The following DYM variants were observed in gnomAD, a reference collection of about 807,000 sequenced individuals.
DYM encodes the protein dymeclin.
A neutral mutation model predicts 93.1 loss-of-function variants in DYM; 78 were observed. The observed-to-expected ratio is 0.84, with a 90% CI of 0.70 to 1.01. The LOEUF (loss-of-function observed/expected upper bound fraction) is 1.01, where lower values mean the gene tolerates loss of function less well. Ranked by LOEUF, DYM falls within the 50% of genes least tolerant of loss-of-function variation. DYM has a pLI of 0.00. For missense variants in DYM, 789 were observed against 845.0 expected (o/e 0.93, Z 0.82); for synonymous variants, 321 against 319.7 (o/e 1.00, Z -0.04).
chr18:49,391,700 T>C (rs2069274276), intron 2 of DYM, 55 bp from the exon 3 acceptor site: 1 of 1,408,536 alleles, frequency 7.1e-7, no homozygotes, highest in Non-Finnish European at 1.0e-6. Flanking sequence ...AATATGTACA[T>C]GCTAATCAGT....
At chr18:49,342,465 G>A (rs1454219944) in intron 6 of DYM, among the ~76,000 whole-genome samples, 1 of 152,148 alleles carries the variant, frequency 6.6e-6, no homozygotes, top group East Asian at 1.9e-4. Context: ...TACATCTTTG[G>A]GGTTTGGAAT....
intron 8 of DYM, among the ~76,000 whole-genome samples, chr18:49,313,592 CA>C (rs1476412053): frequency 1.4e-5 from 2 of 146,790 alleles, no homozygotes; most frequent in Non-Finnish European, 1.5e-5. Context: ...TTTAGCATAT[CA>C]TCAAGAAATA....
At chr18:49,271,261 A>G (rs907238806) in intron 11 of DYM, among the ~76,000 whole-genome samples, 3 of 152,208 alleles carry the variant, frequency 2.0e-5, no homozygotes, top group African/African-American at 7.2e-5. Context: ...CAGAAATGGT[A>G]AAACATGTTC....
intron 8 of DYM, among the ~76,000 whole-genome samples, chr18:49,289,774 C>CAT (rs2059976631): frequency 1.1e-4 from 4 of 37,100 alleles, no homozygotes; most frequent in East Asian, 1.1e-3. Context: ...TATATATATA[C>CAT]ACATATATAT....
At chr18:49,206,121 C>A (rs1009987839) in intron 14 of DYM, among the ~76,000 whole-genome samples, 4 of 150,928 alleles carry the variant, frequency 2.7e-5, no homozygotes, top group Admixed American at 2.0e-4. Context: ...GCCTCAGACT[C>A]CTGAGTAGCT....
At chr18:49,178,403 T>C (rs2089602659) in intron 14 of DYM, among the ~76,000 whole-genome samples, 1 of 152,098 alleles carries the variant, frequency 6.6e-6, no homozygotes, top group Non-Finnish European at 1.5e-5. Flanking sequence ...AGAAAAAGAT[T>C]CAAATGTGTG....
intron 13 of DYM, among the ~76,000 whole-genome samples, chr18:49,217,142 G>A (rs2093101826): frequency 6.6e-6 from 1 of 152,226 alleles, no homozygotes; most frequent in Non-Finnish European, 1.5e-5. Flanking sequence ...TCAACTGGAA[G>A]AAAGGGTATC....
At chr18:49,430,120 A>AT in intron 2 of DYM, 135 bp downstream of exon 2, 4 of 885,246 alleles carry the variant, frequency 4.5e-6, no homozygotes, top group South Asian at 4.3e-5. Context: ...AATCTTTTGG[A>AT]TTTTCTACTG....
intron 17 of DYM, among the ~76,000 whole-genome samples, chr18:49,047,669 C>A (rs1469923357): frequency 6.6e-6 from 1 of 152,102 alleles, no homozygotes; most frequent in African/African-American, 2.4e-5. Context: ...TATCCTAGGG[C>A]CTGGAGAGTT....
At chr18:49,171,753 C>A (rs781751049) in intron 14 of DYM, among the ~76,000 whole-genome samples, 6 of 152,028 alleles carry the variant, frequency 3.9e-5, no homozygotes, top group Non-Finnish European at 5.9e-5. Context: ...GATTCCACAC[C>A]CTCTGGGAAA....
intron 8 of DYM, among the ~76,000 whole-genome samples, chr18:49,289,748 T>TATATATATATATACAC (rs2059944426): frequency 2.4e-5 from 1 of 41,176 alleles, no homozygotes; most frequent in Non-Finnish European, 4.5e-5. Flanking sequence ...TATATATATA[T>TATATATATATATACAC]ATATATATAT....
chr18:49,193,652 T>C (rs986538487), intron 14 of DYM, among the ~76,000 whole-genome samples: 1 of 152,146 alleles, frequency 6.6e-6, no homozygotes. Flanking sequence ...ACTAAGCACA[T>C]GTGTGGTGAG....
At chr18:49,425,642 C>T (rs1404076848) in intron 2 of DYM, among the ~76,000 whole-genome samples, 2 of 152,018 alleles carry the variant, frequency 1.3e-5, no homozygotes, top group East Asian at 1.9e-4. Context: ...TGCAATCTAC[C>T]CATCTGACAA....
intron 5 of DYM, 132 bp downstream of exon 5, chr18:49,378,434 AC>A: frequency 3.6e-6 from 3 of 841,600 alleles, no homozygotes; most frequent in Non-Finnish European, 5.5e-6. Flanking sequence ...AGAAAAAATG[AC>A]AGTATAAGTT....
intron 5 of DYM, among the ~76,000 whole-genome samples, chr18:49,375,288 C>CAT (rs536395770): frequency 6.6e-6 from 1 of 150,596 alleles, no homozygotes; most frequent in Non-Finnish European, 1.5e-5. Flanking sequence ...CATATATACA[C>CAT]ATATATATAT....
At chr18:49,161,298 C>T (rs1038123560) in intron 15 of DYM, among the ~76,000 whole-genome samples, 31 of 152,226 alleles carry the variant, frequency 2.0e-4, no homozygotes, top group African/African-American at 7.2e-4. Flanking sequence ...GGCATAATTA[C>T]CTCCATGGTT....
At chr18:49,142,821 T>C (rs959789577) in intron 15 of DYM, among the ~76,000 whole-genome samples, 1 of 152,204 alleles carries the variant, frequency 6.6e-6, no homozygotes, top group African/African-American at 2.4e-5. Flanking sequence ...TAGCAACTTA[T>C]CATCCCCCTA....
At chr18:49,404,261 G>A (rs1330433919) in intron 2 of DYM, among the ~76,000 whole-genome samples, 2 of 152,104 alleles carry the variant, frequency 1.3e-5, no homozygotes, top group African/African-American at 4.8e-5. Context: ...TCCCGCCTAG[G>A]CCTCCCAAAG....
chr18:49,335,817 T>C (rs2063617558), intron 6 of DYM, among the ~76,000 whole-genome samples: 2 of 151,832 alleles, frequency 1.3e-5, no homozygotes, highest in Non-Finnish European at 2.9e-5. Context: ...TCTGTCTTTT[T>C]TTTTTTTCTT....
Sources: allele counts gnomAD v4.1 joint callset (sites outside exome capture counted in the v4.1 genomes callset), GRCh38; gene constraint gnomAD v4.1.1; transcripts MANE v1.5; gene names NCBI Gene and HGNC (gene_info 2026-07-23, HGNC 2026-07-21).